Variants in CLASRP observed in about 807,000 individuals in gnomAD.
The protein encoded by CLASRP is CLK4-associating serine/arginine rich protein.
In CLASRP, 52 loss-of-function variants were observed where a neutral mutation model predicts 99.9. That is an observed-to-expected ratio of 0.52 (90% CI 0.42 to 0.66). CLASRP has a LOEUF of 0.66. CLASRP is among the 30% of genes least tolerant of loss of function. CLASRP has a pLI of 0.00. For missense variants in CLASRP, 848 were observed against 999.2 expected, an observed-to-expected ratio of 0.85 and a Z score of 2.04; for synonymous variants, 379 against 373.0, an observed-to-expected ratio of 1.02 and a Z score of -0.18.
chr19:45,063,966 G>A, intron 11 of CLASRP, 46 bp from the exon 12 acceptor site: 2 of 1,552,678 alleles, frequency 1.3e-6, no homozygotes, highest in African/African-American at 1.4e-5. Flanking sequence ...TTCCCGAAGA[G>A]GCTCCGGGAG....
chr19:45,040,497 A>G (rs76856627), intron 2 of CLASRP, 186 bp downstream of exon 2: 12,276 of 503,068 alleles, frequency 0.024, 232 homozygotes, highest in Non-Finnish European at 0.032. Context: ...TTGTTGTAGC[A>G]TACTGTGTCG....
intron 2 of CLASRP, among the ~76,000 whole-genome samples, chr19:45,045,957 C>T (rs1971909113): frequency 1.3e-5 from 2 of 152,100 alleles, no homozygotes; most frequent in South Asian, 4.1e-4. Context: ...CATTGTATTC[C>T]CCCTCAGGAC....
At chr19:45,058,169 C>T (rs181769687) in intron 7 of CLASRP, 101 of 475,958 alleles carry the variant, frequency 2.1e-4, no homozygotes, top group Admixed American at 1.1e-3. Context: ...CCACTTGGGC[C>T]GGCCTCTCTC....
At chr19:45,043,996 C>T (rs1971865972) in intron 2 of CLASRP, among the ~76,000 whole-genome samples, 1 of 152,288 alleles carries the variant, frequency 6.6e-6, no homozygotes, top group South Asian at 2.1e-4. Flanking sequence ...ATTCTCCTGC[C>T]TTAGCCTCCC....
intron 7 of CLASRP, among the ~76,000 whole-genome samples, chr19:45,058,561 C>T (rs1972165785): frequency 6.6e-6 from 1 of 151,982 alleles, no homozygotes; most frequent in South Asian, 2.1e-4. Flanking sequence ...AATTTTTGTA[C>T]TTTTAGTAGA....
intron 2 of CLASRP, among the ~76,000 whole-genome samples, chr19:45,051,584 G>A (rs1756609919): frequency 6.6e-6 from 1 of 152,138 alleles, no homozygotes; most frequent in Admixed American, 6.6e-5. Context: ...GAGATTACAG[G>A]CGTGAGCCAC....
At position 45,069,946 on chromosome 19, in the gene CLASRP, T is replaced by A. The variant is rs765539451; in HGVS notation, c.1875-76T>A. On this transcript the variant is annotated intron_variant, in intron 18 of 20. Transcript: ENST00000221455. ...GTTTACTGTCTTCCTCGGAGTAGGG[T>A]GTTGGAAGCACCTGCCCTCCCTGAG... is the stretch of plus-strand genomic sequence containing the variant. The A allele has an allele frequency of 1.6e-5, 13 of 812,052 alleles. No individual in the cohort carries two copies. The Middle Eastern group carries it at 1.1e-3, about 71-fold the overall frequency. 50.3% of individuals were successfully genotyped at this position (812,052 alleles called of 1,614,324 possible).
Position 45,070,919 on chromosome 19 carries a change from C to A in CLASRP, c.*74C>A. ...AGCTGTGATGCTGCTGGTTTTATCT[C>A]TAGTGAAATAAAGTCAAAAGTTATT... On this transcript the variant is annotated 3_prime_UTR_variant, in exon 21 of 21. Coordinates refer to ENST00000221455, the MANE Select transcript of CLASRP (RefSeq NM_007056.3). 1 of 943,220 alleles carries A rather than the reference C, an allele frequency of 1.1e-6. No individual in the cohort carries two copies. The highest frequency in any genetic ancestry group is 1.6e-6 in the Non-Finnish European group (1 of 607,494). The allele number at this position is 943,220 out of a possible 1,614,324, so 58.4% of individuals were successfully genotyped here.
At chr19:45,044,566 C>G (rs1182691941) in intron 2 of CLASRP, among the ~76,000 whole-genome samples, 1 of 151,952 alleles carries the variant, frequency 6.6e-6, no homozygotes, top group African/African-American at 2.4e-5. Flanking sequence ...AATAGAGGTT[C>G]AAAAAGATGA....
chr19:45,040,479 G>A (rs1242076219), intron 2 of CLASRP, 168 bp downstream of exon 2: 5 of 538,520 alleles, frequency 9.3e-6, no homozygotes, highest in African/African-American at 1.9e-5. Flanking sequence ...GATCCCAAGG[G>A]CTTCTGTTTG....
chr19:45,040,997 C>G (rs1382597947), intron 2 of CLASRP, among the ~76,000 whole-genome samples: 1 of 151,648 alleles, frequency 6.6e-6, no homozygotes, highest in East Asian at 1.9e-4. Flanking sequence ...CCGAGGTGGA[C>G]AGATCACAAG....
chr19:45,064,987 T>C (rs1160330613), intron 13 of CLASRP, among the ~76,000 whole-genome samples: 2 of 151,828 alleles, frequency 1.3e-5, no homozygotes, highest in Non-Finnish European at 2.9e-5. Flanking sequence ...TTTCTGTAGC[T>C]TGAAGGGACG....
In CLASRP at chr19:45,056,533, A is replaced by T. The variant is rs1327029428; in HGVS notation, c.463A>T (p.Lys155Ter). ...LQRPSEDEKK[K>*]LAEKKASIGY... ...GAGACCCAGCGAAGATGAGAAGAAG[A>T]AGTGAGTCGGGGTCTGGGGTGCAGG... The change falls in exon 6 of 21, where the codon AAG (lysine) becomes TAG (stop). Residue 155 changes from lysine (K) to a stop codon, truncating the protein, a stop_gained and splice_region_variant. Coordinates refer to ENST00000221455, the MANE Select transcript of CLASRP (RefSeq NM_007056.3). LOFTEE classifies it high-confidence loss of function. The T allele has an allele frequency of 3.1e-6, 5 of 1,613,318 alleles. No individual in the cohort carries two copies. The highest frequency in any genetic ancestry group is 1.1e-5 in the South Asian group (1 of 91,046).
rs1184199905 is a variant in CLASRP, at chr19:45,068,306, C to T, written c.1708-114C>T. On this transcript the variant is annotated intron_variant, in intron 15 of 20. Transcript: ENST00000221455. ...CACAGCCTGCCCCTCCTCCCCACGT[C>T]GTTCTCCCCCCCCCACCCCCCCCCC... 2.4e-5 allele frequency: 16 copies of T among 667,832 alleles called. No individual in the cohort carries two copies. In the East Asian group the frequency reaches 3.0e-4, roughly 12 times the overall value. 41.4% of individuals were successfully genotyped at this position (667,832 alleles called of 1,614,324 possible).
intron 2 of CLASRP, among the ~76,000 whole-genome samples, chr19:45,045,284 G>A (rs1600094675): frequency 6.6e-6 from 1 of 152,246 alleles, no homozygotes; most frequent in Non-Finnish European, 1.5e-5. Flanking sequence ...GGGAGGCCGA[G>A]GCAGGAGGAC....
At position 45,060,396 on chromosome 19, in the gene CLASRP, C is replaced by G. The variant is rs369680602; in HGVS notation, c.718C>G (p.Arg240Gly). 1 of 1,614,060 alleles carries G rather than the reference C, an allele frequency of 6.2e-7. No individual in the cohort carries two copies. Among genetic ancestry groups the G allele is most frequent in the Non-Finnish European group, 8.5e-7 (1 of 1,179,976 alleles). The change falls in exon 9 of 21, where the codon CGG (arginine) becomes GGG (glycine). Residue 240 changes from arginine (R) to glycine (G), a missense_variant. Coordinates refer to ENST00000221455, the MANE Select transcript of CLASRP (RefSeq NM_007056.3). This position sits in a 1 kb window ranked among gnomAD's most constrained non-coding sequence, Gnocchi z 4.6. ...TCTCACCCACCTCTATAGGATGCTC[C>G]GGAAAGACAAGGAGGAGGCAGAGGC... ...MADGDFVRML[R>G]KDKEEAEAIK...
chr19:45,064,161 C>T lies in CLASRP; in HGVS notation c.1055C>T (p.Thr352Ile), dbSNP rs1475908617. Residue 352 changes from threonine (T) to isoleucine (I), a missense_variant, in exon 12 of 21, where the codon ACC (threonine) becomes ATC (isoleucine). Physicochemically the swap from Thr to Ile is moderately conservative, Grantham distance 89. This residue lies in a region of CLASRP where 489 missense variants were observed against 434.7 expected (regional missense o/e 1.12). Transcript: ENST00000221455. ...GCTGCCGCAGCAGCATCAGGAGTCACCACAGGGAAGCCCCCCGCACCTCCC... is the reference window on the plus strand; with the variant it reads ...GCTGCCGCAGCAGCATCAGGAGTCATCACAGGGAAGCCCCCCGCACCTCCC... ...AAAAAAASGV[T>I]TGKPPAPPQP... The T allele has an allele frequency of 6.2e-7, 1 of 1,611,092 alleles. No homozygotes were observed. The highest frequency in any genetic ancestry group is 1.3e-5 in the African/African-American group (1 of 74,892).
Position 45,064,044 on chromosome 19 carries a change from C to T in CLASRP, c.938C>T (p.Ser313Phe), listed in dbSNP as rs1206533337. 6.2e-7 allele frequency: 1 copy of T among 1,612,628 alleles called. No homozygotes were observed. The highest frequency in any genetic ancestry group is 8.5e-7 in the Non-Finnish European group (1 of 1,179,806). Reference protein sequence around the residue: ...SPSESSSESRSRSRSPTPGRE... With the variant: ...SPSESSSESRFRSRSPTPGRE... ...TCGGAGTCCAGCTCAGAGTCCCGCTCCCGCTCCCGCTCCCCGACCCCGGGC... is the reference window on the plus strand; with the variant it reads ...TCGGAGTCCAGCTCAGAGTCCCGCTTCCGCTCCCGCTCCCCGACCCCGGGC... The change falls in exon 12 of 21, where the codon TCC (serine) becomes TTC (phenylalanine). Residue 313 changes from serine (S) to phenylalanine (F), a missense_variant. Around this residue, in one of 8 missense-constraint regions of CLASRP, gnomAD observed 489 missense variants for 434.7 expected, o/e 1.12. Transcript: ENST00000221455.
Position 45,056,541 on chromosome 19 carries a change from C to A in CLASRP, c.464+7C>A, listed in dbSNP as rs117912158. 6.2e-7 allele frequency: 1 copy of A among 1,612,538 alleles called. No homozygotes were observed. Among genetic ancestry groups the A allele is most frequent in the Admixed American group, 1.7e-5 (1 of 60,014 alleles). ...GCGAAGATGAGAAGAAGAAGTGAGT[C>A]GGGGTCTGGGGTGCAGGGGGTTGAG... On this transcript the variant is annotated splice_region_variant and intron_variant, in intron 6 of 20. Coordinates refer to ENST00000221455, the MANE Select transcript of CLASRP (RefSeq NM_007056.3).
Sources: allele counts gnomAD v4.1 joint callset (sites outside exome capture counted in the v4.1 genomes callset), GRCh38; gene constraint gnomAD v4.1.1; regional missense constraint gnomAD v4.1.1; non-coding constraint Gnocchi (gnomAD v3.1); transcripts MANE v1.5; gene names NCBI Gene and HGNC (gene_info 2026-07-23, HGNC 2026-07-21).